Variants in NXPE2 observed in about 807,000 individuals in gnomAD.
The protein encoded by NXPE2 is NXPE family member 2.
In NXPE2, 34 loss-of-function variants were observed where a neutral mutation model predicts 34.4. The ratio of observed to expected loss-of-function variants is 0.99; its 90% CI spans 0.75 to 1.31. The LOEUF is 1.31. Ranked by LOEUF, NXPE2 falls within the 40% of genes most tolerant of loss-of-function variation. The pLI, the probability that NXPE2 is intolerant of heterozygous loss-of-function variation, is 0.00. For synonymous variants in NXPE2, 235 were observed against 231.3 expected, an observed-to-expected ratio of 1.02 and a Z score of -0.15; for missense variants, 649 against 672.5, an observed-to-expected ratio of 0.97 and a Z score of 0.39.
At chr11:114,489,645 C>T in the NXPE2 span, among the ~76,000 whole-genome samples, 1 of 152,170 alleles carries the variant, frequency 6.6e-6, no homozygotes, top group Non-Finnish European at 1.5e-5. Context: ...AGGCCTTTGA[C>T]AAAATTCAAC....
the NXPE2 span, among the ~76,000 whole-genome samples, chr11:114,595,960 A>G: frequency 6.6e-6 from 1 of 152,184 alleles, no homozygotes; most frequent in Non-Finnish European, 1.5e-5. Context: ...GATGAGAAAA[A>G]GAGTGTTTGA....
At chr11:114,740,550 T>TA in the NXPE2 span, among the ~76,000 whole-genome samples, 26 of 152,090 alleles carry the variant, frequency 1.7e-4, no homozygotes, top group African/African-American at 4.6e-4. Flanking sequence ...ATGCTTTTTT[T>TA]AAAAAAAATG....
the NXPE2 span, among the ~76,000 whole-genome samples, chr11:114,744,314 C>T: frequency 2.0e-5 from 3 of 152,150 alleles, no homozygotes; most frequent in South Asian, 2.1e-4. Flanking sequence ...GTCAGAGTGG[C>T]GTAGATACAT....
chr11:114,811,666 C>A, the NXPE2 span, among the ~76,000 whole-genome samples: 1 of 152,176 alleles, frequency 6.6e-6, no homozygotes, highest in Non-Finnish European at 1.5e-5. Flanking sequence ...GCAAACCCCA[C>A]ACTCAAGGGT....
chr11:114,605,388 G>A, the NXPE2 span, among the ~76,000 whole-genome samples: 10 of 151,814 alleles, frequency 6.6e-5, no homozygotes, highest in South Asian at 2.1e-4. Flanking sequence ...TTGCCTATGG[G>A]TAACCACTGT....
upstream of NXPE2, among the ~76,000 whole-genome samples, chr11:114,677,280 C>A (rs1470699906): frequency 6.6e-6 from 1 of 151,868 alleles, no homozygotes; most frequent in Admixed American, 6.6e-5. Context: ...AGCGTTCTCA[C>A]CACACAAATA....
the NXPE2 span, among the ~76,000 whole-genome samples, chr11:114,516,790 C>G: frequency 6.6e-6 from 1 of 152,142 alleles, no homozygotes; most frequent in Non-Finnish European, 1.5e-5. Context: ...CCTTTTTCCT[C>G]TGGGTTACTT....
chr11:114,537,166 C>CT, the NXPE2 span, among the ~76,000 whole-genome samples: 1 of 151,970 alleles, frequency 6.6e-6, no homozygotes, highest in Non-Finnish European at 1.5e-5. Context: ...ATAAACAGAA[C>CT]CAAAGACAAA....
chr11:114,612,200 C>T, the NXPE2 span, among the ~76,000 whole-genome samples: 15 of 151,652 alleles, frequency 9.9e-5, no homozygotes, highest in African/African-American at 1.2e-4. Context: ...CACTGTTACA[C>T]GGTGGAGAAT....
At chr11:114,779,349 G>A in the NXPE2 span, among the ~76,000 whole-genome samples, 1 of 152,172 alleles carries the variant, frequency 6.6e-6, no homozygotes, top group Non-Finnish European at 1.5e-5. Flanking sequence ...GCCCTGGCCT[G>A]GGGCGGTGTG....
the NXPE2 span, among the ~76,000 whole-genome samples, chr11:114,490,558 A>G: frequency 1.3e-5 from 2 of 152,330 alleles, no homozygotes; most frequent in Admixed American, 6.5e-5. Flanking sequence ...CATATCTACA[A>G]CTATCTGATC....
At chr11:114,670,525 C>A in the NXPE2 span, among the ~76,000 whole-genome samples, 1 of 151,750 alleles carries the variant, frequency 6.6e-6, no homozygotes, top group East Asian at 1.9e-4. Context: ...GACATCATCT[C>A]TACAAAAAAT....
the NXPE2 span, among the ~76,000 whole-genome samples, chr11:114,786,239 C>G: frequency 6.6e-6 from 1 of 152,116 alleles, no homozygotes; most frequent in South Asian, 2.1e-4. Flanking sequence ...GATTATTGGA[C>G]GATGTCCTCA....
At chr11:114,648,511 T>G in the NXPE2 span, among the ~76,000 whole-genome samples, 1 of 152,168 alleles carries the variant, frequency 6.6e-6, no homozygotes, top group South Asian at 2.1e-4. Context: ...GTCTACTAAT[T>G]TAAACGTTAA....
the NXPE2 span, among the ~76,000 whole-genome samples, chr11:114,621,744 A>C: frequency 6.7e-6 from 1 of 149,790 alleles, no homozygotes; most frequent in Non-Finnish European, 1.5e-5. Flanking sequence ...ACCACGGTTA[A>C]CTGCTAGATA....
At chr11:114,623,420 G>T in the NXPE2 span, among the ~76,000 whole-genome samples, 8 of 152,040 alleles carry the variant, frequency 5.3e-5, no homozygotes, top group African/African-American at 1.9e-4. Context: ...TTACCCGCTG[G>T]ATAATAAGTA....
chr11:114,722,539 T>G, the NXPE2 span, among the ~76,000 whole-genome samples: 1 of 152,296 alleles, frequency 6.6e-6, no homozygotes, highest in Non-Finnish European at 1.5e-5. Flanking sequence ...TTTTGTTACA[T>G]GTGTACATGG....
chr11:114,687,920 A>C (rs1247356417), intron 2 of NXPE2, among the ~76,000 whole-genome samples: 1 of 151,940 alleles, frequency 6.6e-6, no homozygotes, highest in African/African-American at 2.4e-5. Flanking sequence ...AAATGCTACT[A>C]ATTTTTGTAC....
At chr11:114,580,144 C>T in the NXPE2 span, 2 of 1,613,566 alleles carry the variant, frequency 1.2e-6, no homozygotes, top group Non-Finnish European at 8.5e-7. Context: ...TTGATACTGG[C>T]TTTGAAGTAT....
Sources: gnomAD v4.1 joint callset for allele counts (sites outside exome capture counted in the v4.1 genomes callset) on GRCh38, gnomAD v4.1.1 for gene constraint, MANE v1.5 for transcripts, NCBI Gene and HGNC (gene_info 2026-07-23, HGNC 2026-07-21) for gene names.